The following NLGN4Y variants were observed in gnomAD, a reference collection of about 807,000 sequenced individuals.
NLGN4Y encodes the protein neuroligin 4 Y-linked, also known as neuroligin-4, Y-linked.
NLGN4Y carries 4 observed loss-of-function variants against 8.4 expected under a neutral mutation model. That is an observed-to-expected ratio of 0.48 (90% CI 0.23 to 1.09). The LOEUF is 1.09. Among genes scored for constraint, NLGN4Y ranks in the 50% least tolerant of loss-of-function variants. NLGN4Y has a pLI of 0.19. For missense variants in NLGN4Y, 90 were observed against 192.3 expected (o/e 0.47, Z 3.15); for synonymous variants, 35 against 75.6 (o/e 0.46, Z 2.78).
chrY:14,649,017 A>G (rs973221887), intron 2 of NLGN4Y, among the ~76,000 whole-genome samples: 1 of 31,971 alleles, frequency 3.1e-5, no homozygotes, highest in Non-Finnish European at 7.6e-5. Flanking sequence ...AAAAAAAAAA[A>G]AAATTGATAT....
chrY:14,728,662 A>G, intron 4 of NLGN4Y, among the ~76,000 whole-genome samples: 2 of 33,891 alleles, frequency 5.9e-5, no homozygotes, highest in African/African-American at 2.3e-4. Flanking sequence ...AAAAGGACAA[A>G]TGCTGTATTA....
At chrY:14,733,902 G>A in intron 4 of NLGN4Y, among the ~76,000 whole-genome samples, 1 of 33,103 alleles carries the variant, frequency 3.0e-5, no homozygotes, top group Admixed American at 2.8e-4. Context: ...TACCCTGGAA[G>A]CCCCAGAGGA....
chrY:14,811,830 C>T (rs964376703), intron 4 of NLGN4Y, among the ~76,000 whole-genome samples: 3 of 33,298 alleles, frequency 9.0e-5, no homozygotes, highest in Non-Finnish European at 1.5e-4. Context: ...TTAAGCCCAA[C>T]TAGAAATCCT....
intron 1 of NLGN4Y, among the ~76,000 whole-genome samples, chrY:14,583,117 T>C (rs2080325576): frequency 3.0e-5 from 1 of 33,351 alleles, no homozygotes; most frequent in African/African-American, 1.2e-4. Context: ...ATGGCAGAGA[T>C]TGAATTGGGT....
chrY:14,592,285 T>C (rs941996933), intron 1 of NLGN4Y, among the ~76,000 whole-genome samples: 13 of 33,280 alleles, frequency 3.9e-4, no homozygotes, highest in Non-Finnish European at 6.7e-4. Context: ...AGGAGGTTGA[T>C]GTGATTAGGA....
chrY:14,819,406 C>G (rs899356507), intron 4 of NLGN4Y, among the ~76,000 whole-genome samples: 5 of 33,819 alleles, frequency 1.5e-4, no homozygotes, highest in African/African-American at 5.8e-4. Flanking sequence ...GCCCTGGACC[C>G]TGTAGGACAT....
intron 4 of NLGN4Y, among the ~76,000 whole-genome samples, chrY:14,754,218 C>CA (rs1255064171): frequency 8.6e-4 from 28 of 32,584 alleles, no homozygotes; most frequent in Non-Finnish European, 1.7e-3. Flanking sequence ...ACTACAAATA[C>CA]AAAAATTAAC....
At chrY:14,680,715 A>T in intron 2 of NLGN4Y, among the ~76,000 whole-genome samples, 1 of 33,528 alleles carries the variant, frequency 3.0e-5, no homozygotes, top group Non-Finnish European at 7.4e-5. Flanking sequence ...ACACCTTCCC[A>T]GTATCATGGT....
chrY:14,616,905 G>A, intron 1 of NLGN4Y, among the ~76,000 whole-genome samples: 1 of 33,656 alleles, frequency 3.0e-5, no homozygotes, highest in East Asian at 7.8e-4. Context: ...GTGCTGAGAA[G>A]AATAGACATT....
chrY:14,539,287 G>T, intron 1 of NLGN4Y, among the ~76,000 whole-genome samples: 1 of 33,257 alleles, frequency 3.0e-5, no homozygotes, highest in Non-Finnish European at 7.4e-5. Flanking sequence ...CTGCAGAGAT[G>T]AATCAATCAT....
intron 1 of NLGN4Y, among the ~76,000 whole-genome samples, chrY:14,585,464 A>C (rs371239010): frequency 2.4e-3 from 80 of 33,483 alleles, no homozygotes; most frequent in African/African-American, 9.1e-3. Context: ...CTTTAAAAAA[A>C]CAAAACAAAA....
At chrY:14,581,955 A>G in intron 1 of NLGN4Y, among the ~76,000 whole-genome samples, 1 of 34,277 alleles carries the variant, frequency 2.9e-5, no homozygotes, top group Non-Finnish European at 7.3e-5. Flanking sequence ...GTGTTATTAA[A>G]TGAGAACCTA....
chrY:14,580,611 C>T (rs2080314876), intron 1 of NLGN4Y, among the ~76,000 whole-genome samples: 2 of 32,319 alleles, frequency 6.2e-5, no homozygotes, highest in African/African-American at 1.2e-4. Flanking sequence ...TATGGTCCTC[C>T]AGAGATACTG....
At chrY:14,591,546 C>T in intron 1 of NLGN4Y, among the ~76,000 whole-genome samples, 4 of 32,710 alleles carry the variant, frequency 1.2e-4, no homozygotes, top group Admixed American at 8.3e-4. Context: ...AAAACCTGGA[C>T]TGTTTGTTCA....
intron 4 of NLGN4Y, among the ~76,000 whole-genome samples, chrY:14,724,038 T>G: frequency 2.4e-4 from 8 of 33,638 alleles, no homozygotes; most frequent in African/African-American, 8.1e-4. Context: ...TTTGTTTTTT[T>G]GGGTAAAAAT....
chrY:14,712,093 T>C (rs1603503080), intron 2 of NLGN4Y, among the ~76,000 whole-genome samples: 1 of 29,203 alleles, frequency 3.4e-5, no homozygotes, highest in East Asian at 8.9e-4. Context: ...AAAAAAAGCC[T>C]GCCATCTTAT....
chrY:14,782,159 A>G (rs2042945762), intron 4 of NLGN4Y, among the ~76,000 whole-genome samples: 1 of 33,353 alleles, frequency 3.0e-5, no homozygotes, highest in Non-Finnish European at 7.4e-5. Flanking sequence ...GACACTACAT[A>G]TAGTGTAGTG....
chrY:14,529,941 GTA>G (rs2080105552), intron 1 of NLGN4Y, among the ~76,000 whole-genome samples: 2 of 25,121 alleles, frequency 8.0e-5, no homozygotes, highest in Admixed American at 4.1e-4. Context: ...GTGTGTGTGT[GTA>G]TATATATACA....
intron 4 of NLGN4Y, among the ~76,000 whole-genome samples, chrY:14,744,336 T>G: frequency 3.0e-5 from 1 of 33,596 alleles, no homozygotes; most frequent in Non-Finnish European, 7.4e-5. Context: ...TACTTTTATT[T>G]TCATTCTAAA....
Sources: gnomAD v4.1 joint callset for allele counts (sites outside exome capture counted in the v4.1 genomes callset) on GRCh38, gnomAD v4.1.1 for gene constraint, MANE v1.5 for transcripts, NCBI Gene and HGNC (gene_info 2026-07-23, HGNC 2026-07-21) for gene names.